FMNL1: variants seen among roughly 807,000 people sequenced by gnomAD.
FMNL1 encodes the protein formin like 1.
FMNL1 carries 43 observed loss-of-function variants against 121.3 expected under a neutral mutation model. The ratio of observed to expected loss-of-function variants is 0.35; its 90% CI spans 0.28 to 0.46. The LOEUF is 0.46. Ranked by LOEUF, FMNL1 falls within the 20% of genes least tolerant of loss-of-function variation. The pLI, the probability that FMNL1 is intolerant of heterozygous loss-of-function variation, is 1.00. For synonymous variants in FMNL1, 613 were observed against 613.5 expected (o/e 1.00, Z 0.01); for missense variants, 1,191 against 1,482.4 (o/e 0.80, Z 3.23).
chr17:45,243,462 C>T, intron 17 of FMNL1, 142 bp downstream of exon 17: 2 of 1,037,232 alleles, frequency 1.9e-6, no homozygotes, highest in South Asian at 3.3e-5. Context: ...AACTTGTCCC[C>T]ATTTTAAGGT....
At chr17:45,228,538 A>G (rs1234047643) in intron 1 of FMNL1, among the ~76,000 whole-genome samples, 1 of 152,230 alleles carries the variant, frequency 6.6e-6, no homozygotes, top group East Asian at 1.9e-4. Flanking sequence ...CTGTGCCTGC[A>G]CCTGTGAGGT....
Position 45,241,601 on chromosome 17 carries a change from A to G in FMNL1, c.1552A>G (p.Thr518Ala). ...AACTCCGAGCGGCGGTGATGCTCCG[A>G]CTCCGGGGGTGCCGACCGGCTCCCC... ...VATPSGGDAP[T>A]PGVPTGSPSP... Residue 518 changes from threonine (T) to alanine (A), a missense_variant, in exon 14 of 27, where the codon ACT (threonine) becomes GCT (alanine). Physicochemically the swap from Thr to Ala is moderately conservative, Grantham distance 58 (BLOSUM62 0). Coordinates refer to ENST00000331495, the MANE Select transcript of FMNL1 (RefSeq NM_005892.4). The surrounding 1 kb of genome is among the most constrained non-coding windows in gnomAD (Gnocchi z 7.0). 6.5e-7 allele frequency: 1 copy of G among 1,533,304 alleles called. No homozygotes were observed. Among genetic ancestry groups the G allele is most frequent in the South Asian group, 1.2e-5 (1 of 83,008 alleles). 95.0% of individuals were successfully genotyped at this position (1,533,304 alleles called of 1,614,324 possible).
chr17:45,232,503 C>T (rs370913250), intron 3 of FMNL1, 23 bp downstream of exon 3: 160 of 1,608,038 alleles, frequency 1.0e-4, no homozygotes, highest in Non-Finnish European at 1.3e-4. Flanking sequence ...CCTCTTTACT[C>T]TGTCCCTTTC....
intron 1 of FMNL1, among the ~76,000 whole-genome samples, chr17:45,227,840 A>G (rs1260252858): frequency 6.6e-6 from 1 of 152,100 alleles, no homozygotes; most frequent in Non-Finnish European, 1.5e-5. Flanking sequence ...ATGGAGGAGG[A>G]AGCTGAGGTC....
At position 45,237,657 on chromosome 17, in the gene FMNL1, C is replaced by G; in HGVS notation, c.894+18C>G. The G allele has an allele frequency of 6.2e-7, 1 of 1,612,564 alleles. No homozygotes were observed. Among genetic ancestry groups the G allele is most frequent in the Non-Finnish European group, 8.5e-7 (1 of 1,178,692 alleles). On this transcript the variant is annotated intron_variant, in intron 9 of 26. Coordinates refer to ENST00000331495, the MANE Select transcript of FMNL1 (RefSeq NM_005892.4). This position sits in a 1 kb window ranked among gnomAD's most constrained non-coding sequence, Gnocchi z 4.4. ...TCAAGGAGGTACCGGAGTCCCTCAC[C>G]CAAACATGCATTTCCCCCTATGGTG...
Position 45,241,461 on chromosome 17 carries a change from C to T in FMNL1, c.1412C>T (p.Thr471Met), listed in dbSNP as rs2043691741. 1.9e-6 allele frequency: 3 copies of T among 1,569,820 alleles called. No homozygotes were observed. Among genetic ancestry groups the T allele is most frequent in the Non-Finnish European group, 2.6e-6 (3 of 1,158,158 alleles). Residue 471 changes from threonine (T) to methionine (M), a missense_variant, in exon 14 of 27, where the codon ACG (threonine) becomes ATG (methionine). Around this residue, in one of 4 missense-constraint regions of FMNL1, gnomAD observed 519 missense variants for 492.8 expected, o/e 1.05. Coordinates refer to ENST00000331495, the MANE Select transcript of FMNL1 (RefSeq NM_005892.4). The surrounding 1 kb of genome is among the most constrained non-coding windows in gnomAD (Gnocchi z 7.0). ...GAGAAAGCGCCTCCCGCTGCCCCGA[C>T]GCGGCCCTCGGCCCTGGAGCTGAAG... ...EPEKAPPAAPTRPSALELKVE... is the reference protein window; with the variant it reads ...EPEKAPPAAPMRPSALELKVE...
chr17:45,232,363 C>A lies in FMNL1; in HGVS notation c.214-4C>A, dbSNP rs2043456947. The A allele has an allele frequency of 6.2e-7, 1 of 1,613,558 alleles. No individual in the cohort carries two copies. The highest frequency in any genetic ancestry group is 1.7e-5 in the Admixed American group (1 of 59,948). ...TTTCTGTACACCCCATTCCATCTCC[C>A]CAGGAGCGGTTTCAAGTCAAGAATC... On this transcript the variant is annotated splice_polypyrimidine_tract_variant and splice_region_variant and intron_variant, in intron 2 of 26. Transcript: ENST00000331495.
intron 3 of FMNL1, chr17:45,232,765 G>T (rs1360246552): frequency 1.3e-5 from 8 of 592,656 alleles, no homozygotes; most frequent in Non-Finnish European, 2.5e-5. Flanking sequence ...ATAGGTGTGT[G>T]TGTATACTAT....
chr17:45,234,633 C>T (rs1387066252), intron 6 of FMNL1: 4 of 152,068 alleles, frequency 2.6e-5, no homozygotes, highest in Non-Finnish European at 5.1e-5. Flanking sequence ...CACTGCACTG[C>T]AGCCTGGGTG....
intron 2 of FMNL1, 149 bp from the exon 3 acceptor site, chr17:45,232,218 T>C: frequency 1.5e-6 from 1 of 675,472 alleles, no homozygotes; most frequent in Non-Finnish European, 2.6e-6. Context: ...GTGGACTGTT[T>C]GGGTTTATAC....
chr17:45,224,251 C>T (rs2043288242), intron 1 of FMNL1, among the ~76,000 whole-genome samples: 1 of 152,186 alleles, frequency 6.6e-6, no homozygotes. Context: ...CATTCCCCAC[C>T]AGCAGGGGCA....
At chr17:45,228,785 C>T (rs1299023783) in intron 1 of FMNL1, among the ~76,000 whole-genome samples, 1 of 152,116 alleles carries the variant, frequency 6.6e-6, no homozygotes, top group Non-Finnish European at 1.5e-5. Flanking sequence ...CAGCTGTCCC[C>T]TCTGTGGCTC....
At chr17:45,236,425 G>C in intron 7 of FMNL1, 181 bp downstream of exon 7, 1 of 536,790 alleles carries the variant, frequency 1.9e-6, no homozygotes, top group Admixed American at 3.4e-5. Flanking sequence ...GGAAGCCCAT[G>C]TTTTTGCTGC....
chr17:45,223,652 T>A (rs1295197123), intron 1 of FMNL1, among the ~76,000 whole-genome samples: 1 of 151,824 alleles, frequency 6.6e-6, no homozygotes, highest in Non-Finnish European at 1.5e-5. Context: ...GCTGAGCAGA[T>A]GGGGGAGGGG....
At chr17:45,223,480 T>G (rs1376400162) in intron 1 of FMNL1, among the ~76,000 whole-genome samples, 1 of 152,166 alleles carries the variant, frequency 6.6e-6, no homozygotes, top group Non-Finnish European at 1.5e-5. Context: ...GGAGGAGCTA[T>G]GGGGTGGCGA....
intron 11 of FMNL1, 158 bp downstream of exon 11, chr17:45,239,223 TCA>T (rs1358019463): frequency 5.1e-5 from 32 of 626,816 alleles, no homozygotes; most frequent in South Asian, 3.8e-5. Flanking sequence ...TTCCTCTCTC[TCA>T]GTGTCAGTTT....
At chr17:45,228,688 ACTGCCC>A (rs2043378303) in intron 1 of FMNL1, among the ~76,000 whole-genome samples, 1 of 152,086 alleles carries the variant, frequency 6.6e-6, no homozygotes, top group African/African-American at 2.4e-5. Flanking sequence ...ATGACTAGTT[ACTGCCC>A]CTAGAAATGC....
Position 45,245,714 on chromosome 17 carries a change from G to A in FMNL1, c.2975G>A (p.Arg992His), listed in dbSNP as rs145693762. Reference protein sequence around the residue: ...SPGLFFSLFSRFIKAYKKAEQ... With the variant: ...SPGLFFSLFSHFIKAYKKAEQ... Reference sequence around the variant, plus strand: ...GGCCTGTTCTTCTCCCTCTTTAGCCGCTTCATTAAGGCCTACAAGGTATTC... The same window carrying A: ...GGCCTGTTCTTCTCCCTCTTTAGCCACTTCATTAAGGCCTACAAGGTATTC... The change falls in exon 23 of 27, where the codon CGC becomes CAC. Residue 992 changes from arginine to histidine, a missense_variant. Physicochemically the swap from Arg to His is conservative, Grantham distance 29 (BLOSUM62 0). Coordinates refer to ENST00000331495, the MANE Select transcript of FMNL1 (RefSeq NM_005892.4). 9.9e-6 allele frequency: 16 copies of A among 1,614,070 alleles called. No homozygotes were observed. Among genetic ancestry groups the A allele is most frequent in the Admixed American group, 5.0e-5 (3 of 60,010 alleles).
chr17:45,243,568 G>A (rs2043758002), intron 17 of FMNL1, among the ~76,000 whole-genome samples: 1 of 152,226 alleles, frequency 6.6e-6, no homozygotes, highest in African/African-American at 2.4e-5. Flanking sequence ...TTTACAGCCG[G>A]GCGTCCGCCG....
Sources: allele counts gnomAD v4.1 joint callset (sites outside exome capture counted in the v4.1 genomes callset), GRCh38; gene constraint gnomAD v4.1.1; regional missense constraint gnomAD v4.1.1; non-coding constraint Gnocchi (gnomAD v3.1); transcripts MANE v1.5; gene names NCBI Gene and HGNC (gene_info 2026-07-23, HGNC 2026-07-21).